DOCK10: variants seen among roughly 807,000 people sequenced by gnomAD.
The protein encoded by DOCK10 is dedicator of cytokinesis protein 10.
In DOCK10, 145 loss-of-function variants were observed where a neutral mutation model predicts 280.1. The observed-to-expected ratio is 0.52, with a 90% CI of 0.45 to 0.59. DOCK10 has a LOEUF of 0.59. Among genes scored for constraint, DOCK10 ranks in the 20% least tolerant of loss-of-function variants. The pLI is 0.00. For synonymous variants in DOCK10, 915 were observed against 942.2 expected (o/e 0.97, Z 0.53); for missense variants, 2,368 against 2,651.7 (o/e 0.89, Z 2.35).
chr2:224,950,369 A>G (rs1430539679), intron 1 of DOCK10, among the ~76,000 whole-genome samples: 1 of 152,234 alleles, frequency 6.6e-6, no homozygotes, highest in African/African-American at 2.4e-5. Context: ...AAATCATCCA[A>G]CAACCCTGTG....
intron 40 of DOCK10, among the ~76,000 whole-genome samples, 192 bp downstream of exon 40, chr2:224,801,724 T>TAA: frequency 6.6e-6 from 1 of 152,256 alleles, no homozygotes; most frequent in Admixed American, 6.5e-5. Context: ...ATTGAGGGTT[T>TAA]TGCCTCTCCC....
chr2:224,947,776 T>C (rs1338718279), intron 1 of DOCK10, among the ~76,000 whole-genome samples: 1 of 152,174 alleles, frequency 6.6e-6, no homozygotes, highest in African/African-American at 2.4e-5. Flanking sequence ...ACTGTACGGT[T>C]TATTTATTTG....
At chr2:224,876,307 CAA>C (rs1192917158) in intron 7 of DOCK10, 86 bp from the exon 8 acceptor site, 1 of 1,234,310 alleles carries the variant, frequency 8.1e-7, no homozygotes, top group African/African-American at 1.5e-5. Context: ...CTTGAGGTTC[CAA>C]AAGTCTTTCC....
At chr2:224,972,864 G>A (rs1330083512) in intron 1 of DOCK10, among the ~76,000 whole-genome samples, 4 of 152,082 alleles carry the variant, frequency 2.6e-5, no homozygotes, top group Non-Finnish European at 4.4e-5. Flanking sequence ...GTTAAATTTC[G>A]GAAAACTGGC....
intron 4 of DOCK10, among the ~76,000 whole-genome samples, chr2:224,894,347 A>C (rs547045431): frequency 2.6e-5 from 4 of 152,232 alleles, no homozygotes; most frequent in Admixed American, 6.5e-5. Context: ...AAAGATGAAC[A>C]GTGTTTGGGG....
intron 47 of DOCK10, among the ~76,000 whole-genome samples, chr2:224,790,608 CTAAA>C (rs1440419899): frequency 1.3e-5 from 2 of 152,100 alleles, no homozygotes; most frequent in African/African-American, 4.8e-5. Context: ...ATCCTTGCTT[CTAAA>C]TAAATTTTAT....
chr2:225,014,160 C>A (rs1471117793), intron 1 of DOCK10, among the ~76,000 whole-genome samples: 2 of 141,508 alleles, frequency 1.4e-5, no homozygotes, highest in African/African-American at 5.2e-5. Flanking sequence ...TTAGCTGAAT[C>A]AAAAGTCCCC....
At chr2:224,963,092 C>T (rs1704541708) in intron 1 of DOCK10, among the ~76,000 whole-genome samples, 1 of 152,132 alleles carries the variant, frequency 6.6e-6, no homozygotes, top group South Asian at 2.1e-4. Flanking sequence ...GGTGGCTGAA[C>T]CCTCTGGATG....
chr2:224,916,836 C>A, intron 2 of DOCK10, 52 bp from the exon 3 acceptor site: 4 of 1,362,306 alleles, frequency 2.9e-6, no homozygotes, highest in East Asian at 4.8e-5. Context: ...AAGTGTCGAG[C>A]AGACCAGCAC....
chr2:224,953,812 T>G (rs1397563664), intron 1 of DOCK10, among the ~76,000 whole-genome samples: 5 of 152,330 alleles, frequency 3.3e-5, no homozygotes, highest in Admixed American at 2.0e-4. Flanking sequence ...ATACAGTATT[T>G]AGAAATTTCT....
chr2:224,770,691 A>G lies in DOCK10; in HGVS notation c.6205-46T>C, dbSNP rs779311670. On this transcript the variant is annotated intron_variant, in intron 53 of 55. Transcript: ENST00000258390. This position sits in a 1 kb window ranked among gnomAD's most constrained non-coding sequence, Gnocchi z 4.5. Reference sequence around the variant, plus strand: ...GAAGGATGATCTACCTTCTGCATGGAGTCTTTTCCACCGCTGGAAGAGGAG... The same window carrying G: ...GAAGGATGATCTACCTTCTGCATGGGGTCTTTTCCACCGCTGGAAGAGGAG... The G allele has an allele frequency of 1.4e-6, 2 of 1,397,922 alleles. No homozygotes were observed. Among genetic ancestry groups the G allele is most frequent in the Admixed American group, 1.7e-5 (1 of 59,468 alleles). 86.6% of individuals were successfully genotyped at this position (1,397,922 alleles called of 1,614,324 possible). A position where few individuals can be genotyped will look rare whatever the true frequency, so the allele number is the denominator to read the frequency against.
rs1384038646 is a variant in DOCK10, at chr2:224,805,355, A to G, written c.3937-35T>C. On this transcript the variant is annotated intron_variant, in intron 35 of 55. Transcript: ENST00000258390. This position sits in a 1 kb window ranked among gnomAD's most constrained non-coding sequence, Gnocchi z 4.3. ...CAAGAACCAATCAGGATTGAGTGAG[A>G]GTGAGTGACCTCTGCCTTGTAATGA... The G allele has an allele frequency of 1.9e-6, 3 of 1,612,652 alleles. No homozygotes were observed. Among genetic ancestry groups the G allele is most frequent in the South Asian group, 2.2e-5 (2 of 91,056 alleles).
rs547456953 is a variant in DOCK10 at position 224,806,739 on chromosome 2, G to T, written c.3703-502C>A. 3.0e-4 allele frequency among the ~76,000 whole-genome samples: 46 copies of T among 152,096 alleles called. 1 individual carries two copies. In the South Asian group the frequency reaches 9.1e-3, roughly 30 times the overall value. On this transcript the variant is annotated intron_variant, in intron 33 of 55. Coordinates refer to ENST00000258390, the MANE Select transcript of DOCK10 (RefSeq NM_014689.3). ...CTGCCCTTAACCTCCTGAGTAGCTG[G>T]GACTACAGGTATGTGCCACCATGCC...
rs1317250912 is a variant in DOCK10, at chr2:224,786,103, G to A, written c.5655+919C>T. The stretch of plus-strand genomic sequence containing the variant: ...CCCAGCTACTCGGGAGGCTGAGGCA[G>A]GAGAATTGCTTGAACCGGGACCCAG... On this transcript the variant is annotated intron_variant, in intron 50 of 55. Coordinates refer to ENST00000258390, the MANE Select transcript of DOCK10 (RefSeq NM_014689.3). The surrounding 1 kb of genome is among the most constrained non-coding windows in gnomAD (Gnocchi z 4.7). 6.6e-6 allele frequency among the ~76,000 whole-genome samples: 1 copy of A among 152,192 alleles called. No individual in the cohort carries two copies.
chr2:224,910,406 C>T (rs964097113), intron 3 of DOCK10, among the ~76,000 whole-genome samples: 1 of 152,104 alleles, frequency 6.6e-6, no homozygotes, highest in Non-Finnish European at 1.5e-5. Flanking sequence ...TAGCAAAACA[C>T]CCTATTGGCA....
At chr2:224,927,067 T>C (rs941644204) in intron 2 of DOCK10, among the ~76,000 whole-genome samples, 1 of 152,052 alleles carries the variant, frequency 6.6e-6, no homozygotes, top group Non-Finnish European at 1.5e-5. Context: ...TAACTGGGTG[T>C]GAGGGCAATG....
At chr2:224,939,294 G>A (rs1047683136) in intron 1 of DOCK10, among the ~76,000 whole-genome samples, 1 of 152,168 alleles carries the variant, frequency 6.6e-6, no homozygotes, top group Non-Finnish European at 1.5e-5. Context: ...GGGAAAGCAA[G>A]GACACAAAGG....
chr2:224,843,005 C>G (rs79557820), intron 22 of DOCK10, among the ~76,000 whole-genome samples: 2,642 of 152,236 alleles, frequency 0.017, 82 homozygotes, highest in African/African-American at 0.059. Context: ...AGGAACCAAC[C>G]AGACCAACAA....
At chr2:224,775,391 CTT>C (rs1348256546) in intron 51 of DOCK10, among the ~76,000 whole-genome samples, 1 of 152,132 alleles carries the variant, frequency 6.6e-6, no homozygotes, top group Non-Finnish European at 1.5e-5. Flanking sequence ...GTTATTTAGT[CTT>C]TTATTTTCTC....
Sources: allele counts gnomAD v4.1 joint callset (sites outside exome capture counted in the v4.1 genomes callset), GRCh38; gene constraint gnomAD v4.1.1; non-coding constraint Gnocchi (gnomAD v3.1); transcripts MANE v1.5; gene names NCBI Gene and HGNC (gene_info 2026-07-23, HGNC 2026-07-21).